PLCB1: variants seen among roughly 807,000 people sequenced by gnomAD.
PLCB1 encodes phospholipase C beta 1, also known as 1-phosphatidylinositol 4,5-bisphosphate phosphodiesterase beta-1.
A neutral mutation model predicts 161.8 loss-of-function variants in PLCB1; 46 were observed. The observed-to-expected ratio is 0.28, with a 90% CI of 0.22 to 0.36. The LOEUF is 0.36. Ranked by LOEUF, PLCB1 falls within the 10% of genes least tolerant of loss-of-function variation. The pLI, the probability that PLCB1 is intolerant of heterozygous loss-of-function variation, is 1.00. For synonymous variants in PLCB1, 517 were observed against 503.7 expected, an observed-to-expected ratio of 1.03 and a Z score of -0.35; for missense variants, 1,016 against 1,472.5, an observed-to-expected ratio of 0.69 and a Z score of 5.07.
chr20:8,708,829 A>G (rs780799231), intron 12 of PLCB1, 77 bp downstream of exon 12: 12 of 849,830 alleles, frequency 1.4e-5, no homozygotes, highest in Non-Finnish European at 2.2e-5. Flanking sequence ...CAGATTTAAG[A>G]TTATTTGACA....
chr20:8,526,567 G>A (rs1349505680), intron 3 of PLCB1, among the ~76,000 whole-genome samples: 1 of 151,962 alleles, frequency 6.6e-6, no homozygotes, highest in Admixed American at 6.6e-5. Flanking sequence ...GGCCTTTCCT[G>A]GTAATAAACA....
chr20:8,462,493 T>G (rs1269060321), intron 3 of PLCB1, among the ~76,000 whole-genome samples: 3 of 152,228 alleles, frequency 2.0e-5, no homozygotes, highest in African/African-American at 7.2e-5. Flanking sequence ...GTAAGGCAGC[T>G]GTCTGCTTTT....
chr20:8,475,047 A>T (rs573814585), intron 3 of PLCB1, among the ~76,000 whole-genome samples: 1 of 151,308 alleles, frequency 6.6e-6, no homozygotes, highest in South Asian at 2.1e-4. Flanking sequence ...ACACACACAC[A>T]CTCTTTAGTA....
At chr20:8,292,428 T>A (rs1983427875) in intron 2 of PLCB1, among the ~76,000 whole-genome samples, 1 of 152,168 alleles carries the variant, frequency 6.6e-6, no homozygotes, top group African/African-American at 2.4e-5. Flanking sequence ...CTGAGTTTGA[T>A]TCCCAGACTC....
chr20:8,553,289 G>T (rs1427299861), intron 3 of PLCB1, among the ~76,000 whole-genome samples: 1 of 152,184 alleles, frequency 6.6e-6, no homozygotes, highest in Non-Finnish European at 1.5e-5. Flanking sequence ...TATAGATACA[G>T]TTTCTCACTA....
intron 2 of PLCB1, among the ~76,000 whole-genome samples, chr20:8,310,966 G>C (rs963822300): frequency 1.3e-5 from 2 of 152,150 alleles, no homozygotes; most frequent in Non-Finnish European, 2.9e-5. Flanking sequence ...GGGCACCTGG[G>C]TTGATGCCAT....
At chr20:8,777,808 G>A (rs1983018497) in intron 27 of PLCB1, among the ~76,000 whole-genome samples, 1 of 151,986 alleles carries the variant, frequency 6.6e-6, no homozygotes, top group African/African-American at 2.4e-5. Context: ...GCAATATGAA[G>A]GAGGTTTAAC....
chr20:8,760,165 A>G (rs945710551), intron 24 of PLCB1, among the ~76,000 whole-genome samples: 5 of 152,144 alleles, frequency 3.3e-5, no homozygotes, highest in Non-Finnish European at 5.9e-5. Flanking sequence ...TCGGCCTCCC[A>G]AAGTGCCGGG....
chr20:8,274,666 G>A (rs1195719745), intron 2 of PLCB1, among the ~76,000 whole-genome samples: 3 of 151,738 alleles, frequency 2.0e-5, no homozygotes, highest in African/African-American at 7.3e-5. Context: ...TCATCATCAA[G>A]GTCTATTTTT....
chr20:8,194,272 T>C (rs1408507531), intron 2 of PLCB1, among the ~76,000 whole-genome samples: 1 of 151,994 alleles, frequency 6.6e-6, no homozygotes, highest in Non-Finnish European at 1.5e-5. Flanking sequence ...CAAATCCAGT[T>C]CCACTTTGGG....
In PLCB1 at chr20:8,260,243, G is replaced by T. The variant is rs527982804; in HGVS notation, c.177+109872G>T. Among the ~76,000 whole-genome samples the T allele has an allele frequency of 6.7e-5, 10 of 149,034 alleles. 1 individual carries two copies. The South Asian group carries it at 1.7e-3, about 25-fold the overall frequency. On this transcript the variant is annotated intron_variant, in intron 2 of 31. Transcript: ENST00000338037. ...CTACAGGCACACACCGTAGCACCCAGCATTTTTTTTTTTTTTTTCTGTTAG... is the reference window on the plus strand; with the variant it reads ...CTACAGGCACACACCGTAGCACCCATCATTTTTTTTTTTTTTTTCTGTTAG...
intron 26 of PLCB1, among the ~76,000 whole-genome samples, chr20:8,773,170 C>T (rs556990091): frequency 1.5e-4 from 23 of 152,240 alleles, no homozygotes; most frequent in African/African-American, 5.3e-4. Flanking sequence ...TGATGCTGGC[C>T]CAATTCAAAG....
chr20:8,323,393 G>A (rs535229911), intron 2 of PLCB1, among the ~76,000 whole-genome samples: 6 of 152,076 alleles, frequency 3.9e-5, no homozygotes, highest in East Asian at 1.9e-4. Flanking sequence ...ATCTTTCCAC[G>A]TCCCTCAGGA....
At chr20:8,532,182 T>C (rs1465474410) in intron 3 of PLCB1, among the ~76,000 whole-genome samples, 1 of 152,228 alleles carries the variant, frequency 6.6e-6, no homozygotes, top group Admixed American at 6.5e-5. Context: ...TTGGAGTATT[T>C]CTATTTAAAT....
At chr20:8,731,153 T>G (rs1980222490) in intron 18 of PLCB1, among the ~76,000 whole-genome samples, 1 of 151,862 alleles carries the variant, frequency 6.6e-6, no homozygotes, top group Non-Finnish European at 1.5e-5. Flanking sequence ...AAGCCACGAT[T>G]AAGAGTAATT....
chr20:8,506,195 G>A (rs749537425), intron 3 of PLCB1, among the ~76,000 whole-genome samples: 3 of 151,962 alleles, frequency 2.0e-5, no homozygotes, highest in Non-Finnish European at 4.4e-5. Context: ...GGTATTATTT[G>A]CGTTTAAAAC....
At chr20:8,165,968 C>T (rs1365602169) in intron 2 of PLCB1, among the ~76,000 whole-genome samples, 2 of 152,144 alleles carry the variant, frequency 1.3e-5, no homozygotes, top group Non-Finnish European at 2.9e-5. Flanking sequence ...CACTTTGACC[C>T]TGGACCCTAG....
At chr20:8,248,659 T>A (rs1980999279) in intron 2 of PLCB1, 1 of 151,910 alleles carries the variant, frequency 6.6e-6, no homozygotes, top group African/African-American at 2.4e-5. Flanking sequence ...ATGTGTTATT[T>A]TTGTAAGCAG....
rs1224516482 is a variant in PLCB1, at chr20:8,697,694, G to C, written c.1078G>C (p.Val360Leu). 1.1e-5 allele frequency: 17 copies of C among 1,614,094 alleles called. No homozygotes were observed. Among genetic ancestry groups the C allele is most frequent in the Non-Finnish European group, 1.4e-5 (16 of 1,180,034 alleles). Residue 360 changes from valine (V) to leucine (L), a missense_variant, in exon 11 of 32, where the codon GTG becomes CTG. Physicochemically the swap from Val to Leu is conservative, Grantham distance 32 (BLOSUM62 1). Transcript: ENST00000338037. ...AGTGCTCCTGTCTGGTTGTCGCTGT[G>C]TGGAGCTGGACTGCTGGAAGGGACG... is the stretch of plus-strand genomic sequence containing the variant. ...RQVLLSGCRC[V>L]ELDCWKGRTA...
Sources: gnomAD v4.1 joint callset for allele counts (sites outside exome capture counted in the v4.1 genomes callset) on GRCh38, gnomAD v4.1.1 for gene constraint, MANE v1.5 for transcripts, NCBI Gene and HGNC (gene_info 2026-07-23, HGNC 2026-07-21) for gene names.